PCGF5: variants seen among roughly 807,000 people sequenced by gnomAD.
PCGF5 encodes polycomb group RING finger protein 5.
PCGF5 carries 9 observed loss-of-function variants against 44.3 expected under a neutral mutation model. The observed-to-expected ratio is 0.20, with a 90% CI of 0.12 to 0.35. PCGF5 has a LOEUF of 0.35. Among genes scored for constraint, PCGF5 ranks in the 10% least tolerant of loss-of-function variants. PCGF5 has a pLI of 1.00. For missense variants in PCGF5, 146 were observed against 305.3 expected (o/e 0.48, Z 3.89); for synonymous variants, 95 against 102.5 (o/e 0.93, Z 0.44).
intron 1 of PCGF5, among the ~76,000 whole-genome samples, chr10:91,203,111 C>A (rs1230272267): frequency 2.6e-5 from 4 of 152,244 alleles, no homozygotes; most frequent in African/African-American, 9.6e-5. Context: ...ACCAGCAAAC[C>A]CCTTGGTACT....
chr10:91,249,371 G>A (rs1207500086), intron 5 of PCGF5, among the ~76,000 whole-genome samples: 1 of 120,546 alleles, frequency 8.3e-6, no homozygotes, highest in Non-Finnish European at 1.8e-5. Flanking sequence ...GGCTTTTAGT[G>A]TATATATATA....
At chr10:91,220,328 G>A (rs1244000195), upstream of PCGF5, 1 of 152,252 alleles carries the variant, frequency 6.6e-6, no homozygotes, top group African/African-American at 2.4e-5. Flanking sequence ...AATTCTCAGG[G>A]TGCGTCAGTC....
chr10:91,170,409 C>A (rs534089352), intron 1 of PCGF5, among the ~76,000 whole-genome samples: 1 of 152,306 alleles, frequency 6.6e-6, no homozygotes, highest in Non-Finnish European at 1.5e-5. Context: ...ACAAGGAACT[C>A]TTAAAACTGA....
intron 1 of PCGF5, among the ~76,000 whole-genome samples, chr10:91,193,267 A>G (rs550793029): frequency 6.6e-6 from 1 of 152,304 alleles, no homozygotes; most frequent in Non-Finnish European, 1.5e-5. Context: ...AAAGGAATAC[A>G]TCCCTGCTGT....
upstream of PCGF5, among the ~76,000 whole-genome samples, chr10:91,159,796 TA>T (rs1843357118): frequency 1.3e-5 from 2 of 152,316 alleles, no homozygotes; most frequent in South Asian, 4.1e-4. Flanking sequence ...TCAGATAAAC[TA>T]AAATTTGTTA....
At chr10:91,176,275 G>C (rs1843705679) in intron 1 of PCGF5, among the ~76,000 whole-genome samples, 1 of 152,212 alleles carries the variant, frequency 6.6e-6, no homozygotes, top group Non-Finnish European at 1.5e-5. Flanking sequence ...TCTGCCGAGA[G>C]ATCAGCTGTT....
At chr10:91,261,505 A>C (rs1242391246) in intron 7 of PCGF5, 81 bp downstream of exon 7, 3 of 1,284,886 alleles carry the variant, frequency 2.3e-6, no homozygotes, top group African/African-American at 3.0e-5. Flanking sequence ...AAAACTGAGA[A>C]TATATTCAAA....
chr10:91,243,739 T>C (rs1431722531), intron 3 of PCGF5, among the ~76,000 whole-genome samples: 2 of 152,210 alleles, frequency 1.3e-5, no homozygotes, highest in African/African-American at 2.4e-5. Context: ...AATATAACTT[T>C]ATTGTTCAAT....
rs1208129369 is a variant in PCGF5, at chr10:91,164,009, C to T, written c.-184+928C>T. Among the ~76,000 whole-genome samples, 8 of 152,368 alleles carry T rather than the reference C, an allele frequency of 5.3e-5. No homozygotes were observed. The East Asian group carries it at 5.8e-4, about 11-fold the overall frequency. ...CATTTGTTTAATATTAAGAAAGCTG[C>T]GTGTGCGGCCGTCATAGTACACCCG... is the stretch of plus-strand genomic sequence containing the variant. On this transcript the variant is annotated intron_variant, in intron 1 of 9. Transcript: ENST00000614189.
intron 6 of PCGF5, among the ~76,000 whole-genome samples, chr10:91,255,097 C>T (rs926893550): frequency 2.1e-4 from 32 of 152,116 alleles, no homozygotes; most frequent in Middle Eastern, 3.4e-3. Context: ...GTTGTTTCCT[C>T]GGAGACCCCA....
intron 2 of PCGF5, 37 bp from the exon 3 acceptor site, chr10:91,240,447 A>G (rs758004118): frequency 1.5e-6 from 2 of 1,355,362 alleles, no homozygotes; most frequent in Admixed American, 1.8e-5. Flanking sequence ...GAGCGTTCAT[A>G]TGATGCGTTT....
Position 91,230,149 on chromosome 10 carries a change from C to T in PCGF5, c.112+7166C>T, listed in dbSNP as rs1844961456. Among the ~76,000 whole-genome samples, 4 of 152,104 alleles carry T rather than the reference C, an allele frequency of 2.6e-5. No homozygotes were observed. In the South Asian group the frequency reaches 8.3e-4, roughly 32 times the overall value. On this transcript the variant is annotated intron_variant, in intron 2 of 9. Transcript: ENST00000336126. ...AAACGTCATAGTGGACACTAAAGCA[C>T]ACAACCAAAGGACAACAGACGTAAA...
upstream of PCGF5, among the ~76,000 whole-genome samples, chr10:91,218,333 CT>C (rs1035768743): frequency 4.0e-5 from 6 of 151,750 alleles, no homozygotes; most frequent in African/African-American, 1.5e-4. Flanking sequence ...TTTTTTTCCC[CT>C]GGTCCTATAT....
intron 2 of PCGF5, chr10:91,227,726 A>G (rs891184252): frequency 2.0e-6 from 2 of 1,005,106 alleles, no homozygotes; most frequent in Non-Finnish European, 2.4e-6. Flanking sequence ...CATTAAAGCT[A>G]CTTAGTGGTG....
At chr10:91,255,846 T>C (rs540723748) in intron 6 of PCGF5, among the ~76,000 whole-genome samples, 1 of 152,208 alleles carries the variant, frequency 6.6e-6, no homozygotes, top group Non-Finnish European at 1.5e-5. Context: ...GTGGATCCCA[T>C]GTCCCTTATA....
At chr10:91,230,261 T>C (rs749208440) in intron 2 of PCGF5, among the ~76,000 whole-genome samples, 1 of 152,192 alleles carries the variant, frequency 6.6e-6, no homozygotes, top group South Asian at 2.1e-4. Flanking sequence ...TGAGAAAAAG[T>C]GTGTAACCTA....
upstream of PCGF5, among the ~76,000 whole-genome samples, chr10:91,158,239 C>T (rs925621725): frequency 6.6e-6 from 1 of 152,048 alleles, no homozygotes; most frequent in African/African-American, 2.4e-5. Context: ...GTCCAGCTGC[C>T]CCAAAAATGT....
At chr10:91,220,012 T>G (rs1325910595), upstream of PCGF5, 1 of 152,200 alleles carries the variant, frequency 6.6e-6, no homozygotes, top group East Asian at 1.9e-4. Context: ...AATACACATT[T>G]TTGAATGAAG....
chr10:91,237,940 C>A (rs986422442), intron 2 of PCGF5, among the ~76,000 whole-genome samples: 1 of 151,912 alleles, frequency 6.6e-6, no homozygotes, highest in African/African-American at 2.4e-5. Context: ...AGAATAGCAC[C>A]CTTTGGTAGA....
Sources: gnomAD v4.1 joint callset for allele counts (sites outside exome capture counted in the v4.1 genomes callset) on GRCh38, gnomAD v4.1.1 for gene constraint, MANE v1.5 for transcripts, NCBI Gene and HGNC (gene_info 2026-07-23, HGNC 2026-07-21) for gene names.